Variants in MYDGF observed in about 807,000 individuals in gnomAD.
The protein encoded by MYDGF is myeloid derived growth factor, also known as myeloid-derived growth factor.
In MYDGF, 29 loss-of-function variants were observed where a neutral mutation model predicts 24.2. The observed-to-expected ratio is 1.20, with a 90% CI of 0.89 to 1.63. MYDGF has a LOEUF of 1.63. Among genes scored for constraint, MYDGF ranks in the 40% most tolerant of loss-of-function variants. The pLI is 0.00. For missense variants in MYDGF, 245 were observed against 234.8 expected, an observed-to-expected ratio of 1.04 and a Z score of -0.29; for synonymous variants, 105 against 102.5, an observed-to-expected ratio of 1.02 and a Z score of -0.15.
rs887495956 is a variant in MYDGF at position 4,657,619 on chromosome 19, C to A, written c.*386G>T. Reference sequence around the variant, plus strand: ...CTTCCCAGTTCATCTGAAAGGAGGTCCCCTGGGTAAACATAGGAAAGCAGT... The same window carrying A: ...CTTCCCAGTTCATCTGAAAGGAGGTACCCTGGGTAAACATAGGAAAGCAGT... On this transcript the variant is annotated 3_prime_UTR_variant, in exon 6 of 6. Transcript: ENST00000262947. The A allele has an allele frequency of 5.4e-5, 9 of 167,252 alleles. No individual in the cohort carries two copies. The highest frequency in any genetic ancestry group is 1.2e-4 in the Non-Finnish European group (9 of 78,186). The allele number at this position is 167,252 out of a possible 1,614,324, so 10.4% of individuals were successfully genotyped here.
In MYDGF at chr19:4,657,942, G is replaced by A; in HGVS notation, c.*63C>T. 1 of 1,453,734 alleles carries A rather than the reference G, an allele frequency of 6.9e-7. No homozygotes were observed. Among genetic ancestry groups the A allele is most frequent in the Non-Finnish European group, 9.4e-7 (1 of 1,067,696 alleles). The allele number at this position is 1,453,734 out of a possible 1,614,324, so 90.1% of individuals were successfully genotyped here. ...AACCAGTGATGTGCTGGCCCTTTCA[G>A]GGACACAGGCCCCTTCAGCTTCACC... On this transcript the variant is annotated 3_prime_UTR_variant, in exon 6 of 6. Transcript: ENST00000262947.
In MYDGF at chr19:4,664,181, T is replaced by A. The variant is rs369765165; in HGVS notation, c.287+695A>T. 8.6e-4 allele frequency among the ~76,000 whole-genome samples: 130 copies of A among 151,978 alleles called. 1 individual carries two copies. In the East Asian group the frequency reaches 0.011, roughly 13 times the overall value. ...GGCTGCCATGTGCTGGGAAGGAGAA[T>A]GACTCTGATGGGAACAGAGTTTATT... On this transcript the variant is annotated intron_variant, in intron 3 of 5. Coordinates refer to ENST00000262947, the MANE Select transcript of MYDGF (RefSeq NM_019107.4).
chr19:4,660,845 G>T (rs189960368), intron 3 of MYDGF, 95 bp from the exon 4 acceptor site: 3 of 990,282 alleles, frequency 3.0e-6, no homozygotes, highest in East Asian at 5.4e-5. Context: ...TCGGGCTGGG[G>T]TCAGCAGGTC....
chr19:4,670,254 C>T lies in MYDGF; in HGVS notation c.81G>A (p.Arg27=). 6.4e-7 allele frequency: 1 copy of T among 1,564,608 alleles called. No individual in the cohort carries two copies. Among genetic ancestry groups the T allele is most frequent in the Non-Finnish European group, 8.6e-7 (1 of 1,158,056 alleles). Residue 27 remains arginine, a synonymous_variant, in exon 1 of 6, where the codon AGG becomes AGA. Transcript: ENST00000262947. ...TGGGCTCGGACACCGCCTCCGCCGG[C>T]CTCAGCGCCACGGCCCCTAGGAGCA... ...AALLLGAVAL[R]PAEAVSEPTT...
intron 2 of MYDGF, among the ~76,000 whole-genome samples, chr19:4,665,734 T>C (rs1163466458): frequency 7.2e-6 from 1 of 139,518 alleles, no homozygotes; most frequent in Non-Finnish European, 1.5e-5. Context: ...GGCAGGAGAA[T>C]GGCGTGTACC....
chr19:4,660,822 C>A, intron 3 of MYDGF, 72 bp from the exon 4 acceptor site: 2 of 1,334,978 alleles, frequency 1.5e-6, no homozygotes, highest in East Asian at 4.8e-5. Context: ...CTGGAAGGAG[C>A]CCCGCCAGGG....
At chr19:4,658,279 G>C in intron 5 of MYDGF, among the ~76,000 whole-genome samples, 195 bp from the exon 6 acceptor site, 1 of 152,208 alleles carries the variant, frequency 6.6e-6, no homozygotes, top group Non-Finnish European at 1.5e-5. Context: ...TGGAGGGTAA[G>C]GTCGGTGGGG....
intron 3 of MYDGF, among the ~76,000 whole-genome samples, chr19:4,662,790 C>G (rs563043960): frequency 2.0e-5 from 3 of 152,116 alleles, no homozygotes; most frequent in African/African-American, 7.2e-5. Context: ...GACACATTCC[C>G]CGGGAGATAG....
intron 2 of MYDGF, among the ~76,000 whole-genome samples, chr19:4,668,095 T>G (rs1444295125): frequency 6.6e-6 from 1 of 152,058 alleles, no homozygotes; most frequent in Non-Finnish European, 1.5e-5. Flanking sequence ...GCCCAGCTAA[T>G]TTTTGTATTT....
At chr19:4,660,139 T>G in intron 4 of MYDGF, 136 bp from the exon 5 acceptor site, 1 of 843,756 alleles carries the variant, frequency 1.2e-6, no homozygotes, top group South Asian at 1.5e-5. Flanking sequence ...GACTTTTTTG[T>G]TTTTGAGCCA....
At chr19:4,660,943 C>A (rs1451731584) in intron 3 of MYDGF, among the ~76,000 whole-genome samples, 193 bp from the exon 4 acceptor site, 1 of 150,986 alleles carries the variant, frequency 6.6e-6, no homozygotes, top group Non-Finnish European at 1.5e-5. Flanking sequence ...CAACAGCAGA[C>A]CCTCTTTCTT....
Position 4,664,893 on chromosome 19 carries a change from G to A in MYDGF, c.270C>T (p.Phe90=), listed in dbSNP as rs1322953838. The change falls in exon 3 of 6, where the codon TTC becomes TTT. Residue 90 remains phenylalanine (F), a synonymous_variant. Coordinates refer to ENST00000262947, the MANE Select transcript of MYDGF (RefSeq NM_019107.4). ...AGTCTCACCTCCAGATGGTGCAGGT[G>A]AAGTGCTGGTGGTCTTCGCTGGTCC... is the stretch of plus-strand genomic sequence containing the variant. ...SLGTSEDHQH[F]TCTIWRPQGK... is the part of the protein sequence containing the mutation. The A allele has an allele frequency of 3.1e-6, 5 of 1,612,866 alleles. 1 individual carries two copies. The highest frequency in any genetic ancestry group is 3.3e-4 in the Middle Eastern group (2 of 6,082).
At chr19:4,663,503 A>C (rs868184255) in intron 3 of MYDGF, among the ~76,000 whole-genome samples, 168 of 37,538 alleles carry the variant, frequency 4.5e-3, no homozygotes, top group Middle Eastern at 0.029. Context: ...CAACCTGTGC[A>C]CTCTCCACCC....
rs780186597 is a variant in MYDGF at position 4,668,617 on chromosome 19, G to T, written c.203C>A (p.Ala68Asp). 6.2e-7 allele frequency: 1 copy of T among 1,613,294 alleles called. No homozygotes were observed. The highest frequency in any genetic ancestry group is 8.5e-7 in the Non-Finnish European group (1 of 1,179,460). Residue 68 changes from alanine (A) to aspartate (D), a missense_variant, in exon 2 of 6, where the codon GCC becomes GAC. By Grantham distance (126) the Ala-to-Asp change is moderately radical. Transcript: ENST00000262947. ...GDKYTCMFTYASQGGTNEQWQ... is the reference protein window; with the variant it reads ...GDKYTCMFTYDSQGGTNEQWQ... ...CACCTCATTGGTCCCTCCTTGAGAG[G>T]CGTAAGTGAACATACACGTATATTT...
intron 4 of MYDGF, 30 bp downstream of exon 4, chr19:4,660,639 C>T: frequency 6.2e-7 from 1 of 1,600,044 alleles, no homozygotes; most frequent in South Asian, 1.1e-5. Context: ...GAAGCCACAC[C>T]CGGAGCCTGC....
intron 1 of MYDGF, among the ~76,000 whole-genome samples, chr19:4,669,708 A>G (rs1216265949): frequency 6.6e-6 from 1 of 152,176 alleles, no homozygotes; most frequent in Non-Finnish European, 1.5e-5. Context: ...GCCCGGCCTC[A>G]CACCCTCGGT....
At position 4,670,185 on chromosome 19, in the gene MYDGF, G is replaced by A. The variant is rs746466841; in HGVS notation, c.150C>T (p.Ser50=). The A allele has an allele frequency of 2.1e-5, 32 of 1,555,666 alleles. 1 individual carries two copies. In the East Asian group the frequency reaches 4.0e-4, roughly 19 times the overall value. ...CCCCCGGGCCCACGTTATGGGAGAA[G>A]GAATGCACGACGCCGCCGGGCCGCA... ...FDVRPGGVVH[S]FSHNVGPGDK... The change falls in exon 1 of 6, where the codon TCC becomes TCT. Residue 50 remains serine, a synonymous_variant. Transcript: ENST00000262947.
intron 1 of MYDGF, among the ~76,000 whole-genome samples, chr19:4,668,986 G>A: frequency 6.6e-6 from 1 of 151,996 alleles, no homozygotes; most frequent in Non-Finnish European, 1.5e-5. Flanking sequence ...TGGGATTACA[G>A]GCACCTGCTA....
At chr19:4,668,735 G>A (rs1342389328) in intron 1 of MYDGF, 90 bp from the exon 2 acceptor site, 1 of 1,117,164 alleles carries the variant, frequency 9.0e-7, no homozygotes, top group Non-Finnish European at 1.3e-6. Context: ...AAGCTGGAGT[G>A]CAGGGGCACA....
Sources: allele counts gnomAD v4.1 joint callset (sites outside exome capture counted in the v4.1 genomes callset), GRCh38; gene constraint gnomAD v4.1.1; transcripts MANE v1.5; gene names NCBI Gene and HGNC (gene_info 2026-07-23, HGNC 2026-07-21).